HDAC9: variants seen among roughly 807,000 people sequenced by gnomAD.
HDAC9 encodes the protein histone deacetylase 9.
Under a neutral mutation model 139.4 loss-of-function variants are expected in HDAC9, and 41 were observed. The ratio of observed to expected loss-of-function variants is 0.29; its 90% CI spans 0.23 to 0.38. The LOEUF is 0.38. Among genes scored for constraint, HDAC9 ranks in the 10% least tolerant of loss-of-function variants. The pLI, the probability that HDAC9 is intolerant of heterozygous loss-of-function variation, is 1.00. For missense variants in HDAC9, 1,147 were observed against 1,297.0 expected, an observed-to-expected ratio of 0.88 and a Z score of 1.78; for synonymous variants, 517 against 476.2, an observed-to-expected ratio of 1.09 and a Z score of -1.12.
At chr7:18,349,318 AC>A (rs1782672381) in intron 1 of HDAC9, among the ~76,000 whole-genome samples, 1 of 83,760 alleles carries the variant, frequency 1.2e-5, no homozygotes, top group Non-Finnish European at 2.9e-5. Flanking sequence ...ACACACACAC[AC>A]ACACACACAC....
At chr7:18,427,686 GTTTC>G (rs1159104992) in intron 1 of HDAC9, among the ~76,000 whole-genome samples, 1 of 150,080 alleles carries the variant, frequency 6.7e-6, no homozygotes, top group Non-Finnish European at 1.5e-5. Context: ...CCTGGACACA[GTTTC>G]TTTCTTCTTC....
intron 1 of HDAC9, among the ~76,000 whole-genome samples, chr7:18,440,913 G>T (rs535091653): frequency 6.6e-6 from 1 of 152,210 alleles, no homozygotes; most frequent in African/African-American, 2.4e-5. Flanking sequence ...TTGACTTCCA[G>T]TCTTTCATAT....
intron 1 of HDAC9, among the ~76,000 whole-genome samples, chr7:18,131,003 G>T (rs1637632): frequency 6.6e-6 from 1 of 151,368 alleles, no homozygotes; most frequent in East Asian, 1.9e-4. Flanking sequence ...TCTTATAATC[G>T]AGTGTTTAGA....
intron 1 of HDAC9, among the ~76,000 whole-genome samples, chr7:18,153,735 G>A (rs1786961142): frequency 6.6e-6 from 1 of 152,194 alleles, no homozygotes; most frequent in Admixed American, 6.5e-5. Context: ...CTCAGATGGA[G>A]GGATAAGGAG....
At chr7:18,254,948 T>C (rs569689414) in intron 2 of HDAC9, among the ~76,000 whole-genome samples, 10 of 152,332 alleles carry the variant, frequency 6.6e-5, no homozygotes, top group African/African-American at 2.4e-4. Flanking sequence ...ATATTTGATA[T>C]GTTTTATAAA....
At chr7:18,458,461 T>G (rs2044998034) in intron 1 of HDAC9, among the ~76,000 whole-genome samples, 1 of 152,208 alleles carries the variant, frequency 6.6e-6, no homozygotes, top group African/African-American at 2.4e-5. Context: ...AAACCAGTAG[T>G]AACCCACTAA....
chr7:18,689,267 A>G (rs1027641873), intron 12 of HDAC9, among the ~76,000 whole-genome samples: 5 of 151,378 alleles, frequency 3.3e-5, no homozygotes, highest in Non-Finnish European at 7.4e-5. Context: ...CCGTAGGATA[A>G]ATAATGAGTT....
At chr7:18,802,710 C>G (rs1793405037) in intron 17 of HDAC9, among the ~76,000 whole-genome samples, 1 of 151,498 alleles carries the variant, frequency 6.6e-6, no homozygotes, top group Non-Finnish European at 1.5e-5. Flanking sequence ...AAAATTAAGA[C>G]TATTATATGC....
intron 1 of HDAC9, among the ~76,000 whole-genome samples, chr7:18,101,508 C>G (rs1335312669): frequency 6.6e-6 from 1 of 152,164 alleles, no homozygotes; most frequent in African/African-American, 2.4e-5. Context: ...AAGTGGTTCC[C>G]CCATTCCTTT....
intron 24 of HDAC9, among the ~76,000 whole-genome samples, chr7:18,959,654 C>G (rs547560686): frequency 1.7e-3 from 265 of 152,202 alleles, no homozygotes; most frequent in Middle Eastern, 6.8e-3. Flanking sequence ...GGAATTTCAC[C>G]AGGAATGACA....
intron 1 of HDAC9, among the ~76,000 whole-genome samples, chr7:18,157,557 T>A (rs779474562): frequency 1.3e-5 from 2 of 152,128 alleles, no homozygotes; most frequent in Non-Finnish European, 2.9e-5. Context: ...GCAGTATTAA[T>A]TGAAATGGAA....
At chr7:18,905,682 G>A (rs576963623) in intron 22 of HDAC9, among the ~76,000 whole-genome samples, 2 of 152,310 alleles carry the variant, frequency 1.3e-5, no homozygotes, top group East Asian at 3.9e-4. Flanking sequence ...GCAGGGAAAT[G>A]GAAGGGATTT....
At chr7:18,551,570 C>T (rs1020995285) in intron 2 of HDAC9, among the ~76,000 whole-genome samples, 17 of 152,172 alleles carry the variant, frequency 1.1e-4, no homozygotes, top group African/African-American at 4.1e-4. Context: ...GAATAAGTAT[C>T]AAAAGCGATC....
At position 18,500,400 on chromosome 7, in the gene HDAC9, C is replaced by A. The variant is rs1033344278; in HGVS notation, c.22+4076C>A. Among the ~76,000 whole-genome samples, 4 of 152,126 alleles carry A rather than the reference C, an allele frequency of 2.6e-5. No homozygotes were observed. The East Asian group carries it at 7.7e-4, about 29-fold the overall frequency. On this transcript the variant is annotated intron_variant, in intron 2 of 25. Coordinates refer to ENST00000686413, the MANE Select transcript of HDAC9 (RefSeq NM_178425.4). ...TGTCACCCAATATATTCAACAGTAA[C>A]TGAGCAAAGAAAATGATATAACCTA...
intron 2 of HDAC9, among the ~76,000 whole-genome samples, chr7:18,182,257 A>G (rs1224798136): frequency 6.6e-6 from 1 of 152,184 alleles, no homozygotes; most frequent in Non-Finnish European, 1.5e-5. Flanking sequence ...ATTTTATTTG[A>G]CAGGTAATAG....
chr7:18,174,352 A>C (rs1788706559), intron 2 of HDAC9, among the ~76,000 whole-genome samples: 1 of 152,116 alleles, frequency 6.6e-6, no homozygotes, highest in African/African-American at 2.4e-5. Context: ...CATTTGTCTA[A>C]TCTTTTTTCA....
chr7:18,951,506 G>T (rs1782791060), intron 23 of HDAC9, among the ~76,000 whole-genome samples: 2 of 151,978 alleles, frequency 1.3e-5, no homozygotes, highest in South Asian at 4.1e-4. Flanking sequence ...TTGCTTGACA[G>T]AAATGGCATG....
At chr7:18,656,186 G>A (rs533448939) in intron 11 of HDAC9, among the ~76,000 whole-genome samples, 1 of 151,984 alleles carries the variant, frequency 6.6e-6, no homozygotes, top group East Asian at 2.0e-4. Flanking sequence ...CTGGTCTAGA[G>A]TATTCCTCTT....
chr7:18,908,097 G>C lies in HDAC9; in HGVS notation c.2804-27712G>C, dbSNP rs189932853. On this transcript the variant is annotated intron_variant, in intron 22 of 25. Coordinates refer to ENST00000686413, the MANE Select transcript of HDAC9 (RefSeq NM_178425.4). ...GTCACATGGAATAGTTAGTTAATTT[G>C]AGACATGAAATGTCTCAAATTATGC... Among the ~76,000 whole-genome samples the C allele has an allele frequency of 5.7e-3, 862 of 151,870 alleles. 3 individuals are homozygous for C. The highest frequency in any genetic ancestry group is 0.01 in the Middle Eastern group (3 of 294).
Sources: allele counts gnomAD v4.1 joint callset (sites outside exome capture counted in the v4.1 genomes callset), GRCh38; gene constraint gnomAD v4.1.1; transcripts MANE v1.5; gene names NCBI Gene and HGNC (gene_info 2026-07-23, HGNC 2026-07-21).